Variants in KDM3A observed in about 807,000 individuals in gnomAD.
KDM3A encodes the protein lysine demethylase 3A.
KDM3A carries 60 observed loss-of-function variants against 158.0 expected under a neutral mutation model. That is an observed-to-expected ratio of 0.38 (90% CI 0.31 to 0.47). The LOEUF is 0.47. Among genes scored for constraint, KDM3A ranks in the 20% least tolerant of loss-of-function variants. KDM3A has a pLI of 0.99. For missense variants in KDM3A, 1,319 were observed against 1,574.3 expected (o/e 0.84, Z 2.74); for synonymous variants, 608 against 549.3 (o/e 1.11, Z -1.49).
chr2:86,438,079 T>G (rs867873041), upstream of KDM3A, among the ~76,000 whole-genome samples: 17 of 152,156 alleles, frequency 1.1e-4, no homozygotes, highest in Non-Finnish European at 1.2e-4. Flanking sequence ...TTTCTAAAAT[T>G]TCACAATTAA....
rs917242244 is a variant in KDM3A, at chr2:86,442,211, A to T, written c.164A>T (p.Asp55Val). The change falls in exon 2 of 26, where the codon GAC (aspartate) becomes GTC (valine). Residue 55 changes from aspartate to valine, a missense_variant. This residue lies in a region of KDM3A where 652 missense variants were observed against 627.2 expected (regional missense o/e 1.04). Transcript: ENST00000312912. ...ACCATTCGAGCTGTTTCCCACACCG[A>T]CGTTACCAAGAAGGATCTGAAGGTA... Reference protein sequence around the residue: ...SGTIRAVSHTDVTKKDLKVCV... With the variant: ...SGTIRAVSHTVVTKKDLKVCV... The T allele has an allele frequency of 1.5e-5, 24 of 1,611,092 alleles. No individual in the cohort carries two copies. Among genetic ancestry groups the T allele is most frequent in the Non-Finnish European group, 2.0e-5 (23 of 1,178,456 alleles).
At chr2:86,461,080 A>G (rs1209078857) in intron 8 of KDM3A, among the ~76,000 whole-genome samples, 2 of 112,176 alleles carry the variant, frequency 1.8e-5, no homozygotes, top group East Asian at 2.2e-4. Context: ...AATTGATTTC[A>G]GCGCCAGGCA....
At position 86,482,515 on chromosome 2, in the gene KDM3A, G is replaced by GT; in HGVS notation, c.2744dup (p.Gln916AlafsTer3). ...CCTTGATGACATCTTTGCCTCTTTGGTGCAAAATAAGACGACTTCTGATTT... is the reference window on the plus strand; with the variant it reads ...CCTTGATGACATCTTTGCCTCTTTGGTTGCAAAATAAGACGACTTCTGATTT... On this transcript the variant is annotated frameshift_variant, in exon 18 of 26. Coordinates refer to ENST00000312912, the MANE Select transcript of KDM3A (RefSeq NM_018433.6). LOFTEE classifies it high-confidence loss of function. 3 of 1,614,124 alleles carry GT rather than the reference G, an allele frequency of 1.9e-6. No individual in the cohort carries two copies. The highest frequency in any genetic ancestry group is 2.5e-6 in the Non-Finnish European group (3 of 1,180,030).
rs142904861 is a variant in KDM3A at position 86,477,977 on chromosome 2, G to T, written c.2040G>T (p.Gly680=). 1 of 1,614,070 alleles carries T rather than the reference G, an allele frequency of 6.2e-7. No individual in the cohort carries two copies. Among genetic ancestry groups the T allele is most frequent in the African/African-American group, 1.3e-5 (1 of 74,928 alleles). The change falls in exon 13 of 26, where the codon GGG becomes GGT. Residue 680 remains glycine, a synonymous_variant. Transcript: ENST00000312912. ...FNLHWVCPRC[G]FGVCVDCYRM... ...TGCACTGGGTGTGTCCTCGGTGTGG[G>T]TTTGGAGTATGTGTGGACTGCTACC...
rs1009218588 is a variant in KDM3A at position 86,456,869 on chromosome 2, T to C, written c.746T>C (p.Val249Ala). The C allele has an allele frequency of 6.2e-7, 1 of 1,609,498 alleles. No homozygotes were observed. Among genetic ancestry groups the C allele is most frequent in the Non-Finnish European group, 8.5e-7 (1 of 1,176,090 alleles). Residue 249 changes from valine (V) to alanine (A), a missense_variant, in exon 7 of 26, where the codon GTG (valine) becomes GCG (alanine). Val to Ala is a moderately conservative substitution (Grantham distance 64). Around this residue, in one of 4 missense-constraint regions of KDM3A, gnomAD observed 652 missense variants for 627.2 expected, o/e 1.04. Transcript: ENST00000312912. ...IHVEVVHDNL[V>A]TCGNSARIGA... ...GTTGAAGTTGTACACGATAACCTTG[T>C]GACATGTGGTAAGATATGTTATTAA...
intron 25 of KDM3A, 85 bp downstream of exon 25, chr2:86,491,360 A>G (rs753483156): frequency 2.1e-6 from 3 of 1,413,518 alleles, no homozygotes; most frequent in Non-Finnish European, 3.0e-6. Flanking sequence ...AGAGTCAGTG[A>G]ACTTGGCCAT....
In KDM3A at chr2:86,478,000, A is replaced by C; in HGVS notation, c.2063A>C (p.Tyr688Ser). The C allele has an allele frequency of 6.2e-7, 1 of 1,614,148 alleles. No homozygotes were observed. Among genetic ancestry groups the C allele is most frequent in the Non-Finnish European group, 8.5e-7 (1 of 1,180,018 alleles). Residue 688 changes from tyrosine (Y) to serine (S), a missense_variant, in exon 13 of 26, where the codon TAC becomes TCC. Physicochemically the swap from Tyr to Ser is moderately radical, Grantham distance 144. Around this residue, in one of 4 missense-constraint regions of KDM3A, gnomAD observed 368 missense variants for 415.8 expected, o/e 0.89. Coordinates refer to ENST00000312912, the MANE Select transcript of KDM3A (RefSeq NM_018433.6). ...GGGTTTGGAGTATGTGTGGACTGCT[A>C]CCGGATGAAGAGAAAGAATTGCCAA... ...RCGFGVCVDC[Y>S]RMKRKNCQQG... is the part of the protein sequence containing the mutation.
chr2:86,480,233 C>T lies in KDM3A; in HGVS notation c.2383C>T (p.Pro795Ser), dbSNP rs767521701. 11 of 1,613,572 alleles carry T rather than the reference C, an allele frequency of 6.8e-6. No individual in the cohort carries two copies. The highest frequency in any genetic ancestry group is 9.3e-6 in the Non-Finnish European group (11 of 1,180,002). Residue 795 changes from proline to serine, a missense_variant, in exon 16 of 26, where the codon CCA becomes TCA. Around this residue, in one of 4 missense-constraint regions of KDM3A, gnomAD observed 368 missense variants for 415.8 expected, o/e 0.89. Coordinates refer to ENST00000312912, the MANE Select transcript of KDM3A (RefSeq NM_018433.6). The stretch of plus-strand genomic sequence containing the variant: ...CCAGCAGAATCCCTCAGTGTTGGAG[C>T]CAGCAGCTGTGGGTGGGGAAGCAGC... Reference protein sequence around the residue: ...VLQQNPSVLEPAAVGGEAASK... With the variant: ...VLQQNPSVLESAAVGGEAASK...
intron 21 of KDM3A, chr2:86,487,205 G>A (rs1331643316): frequency 6.6e-6 from 1 of 152,182 alleles, no homozygotes; most frequent in Non-Finnish European, 1.5e-5. Context: ...TTGCTTGCGT[G>A]GTTTAACTAG....
intron 10 of KDM3A, among the ~76,000 whole-genome samples, chr2:86,468,270 A>C (rs1673248546): frequency 6.6e-6 from 1 of 152,218 alleles, no homozygotes. Flanking sequence ...GTTAATTTGC[A>C]TAAAATTAAT....
Position 86,451,040 on chromosome 2 carries a change from G to A in KDM3A, c.343-63G>A, listed in dbSNP as rs139162735. 157 of 1,117,082 alleles carry A rather than the reference G, an allele frequency of 1.4e-4. No individual in the cohort carries two copies. In the East Asian group the frequency reaches 3.8e-3, roughly 27 times the overall value. The allele number at this position is 1,117,082 out of a possible 1,614,324, so 69.2% of individuals were successfully genotyped here. A position where few individuals can be genotyped will look rare whatever the true frequency, so the allele number is the denominator to read the frequency against. Reference sequence around the variant, plus strand: ...TTTCTCTGTGTGTGGAAAATTGCCAGTTCCTATTTTCAGAATTATGCTGAC... The same window carrying A: ...TTTCTCTGTGTGTGGAAAATTGCCAATTCCTATTTTCAGAATTATGCTGAC... On this transcript the variant is annotated intron_variant, in intron 3 of 25. Transcript: ENST00000312912.
chr2:86,487,235 C>T (rs1444572756), intron 21 of KDM3A: 3 of 152,118 alleles, frequency 2.0e-5, no homozygotes, highest in African/African-American at 7.2e-5. Flanking sequence ...GGGTCTTTCC[C>T]CCTAGACACT....
chr2:86,481,875 A>T (rs1014417548), intron 16 of KDM3A, 55 bp from the exon 17 acceptor site: 12 of 1,373,868 alleles, frequency 8.7e-6, no homozygotes, highest in African/African-American at 7.2e-5. Flanking sequence ...GAATACTAAT[A>T]AGGGATTTGC....
intron 12 of KDM3A, among the ~76,000 whole-genome samples, chr2:86,475,605 C>T (rs1218840400): frequency 1.3e-5 from 2 of 152,170 alleles, no homozygotes; most frequent in African/African-American, 4.8e-5. Context: ...CATGACATCT[C>T]AAGCTAGGAT....
chr2:86,438,740 A>G (rs2104607755), upstream of KDM3A, among the ~76,000 whole-genome samples: 1 of 152,160 alleles, frequency 6.6e-6, no homozygotes, highest in East Asian at 1.9e-4. Flanking sequence ...TGCACCCCCT[A>G]ATACCAGTAA....
chr2:86,484,267 TG>T (rs1046475359), intron 19 of KDM3A, 109 bp downstream of exon 19: 1 of 980,596 alleles, frequency 1.0e-6, no homozygotes, highest in African/African-American at 1.7e-5. Flanking sequence ...TCCAGGATTT[TG>T]GAGTTTAAAA....
upstream of KDM3A, among the ~76,000 whole-genome samples, chr2:86,439,847 G>C (rs554093884): frequency 1.8e-3 from 271 of 152,040 alleles, 1 homozygote; most frequent in Middle Eastern, 3.4e-3. Flanking sequence ...TATTAATATT[G>C]CTATACTGCT....
chr2:86,472,069 T>G (rs1224976081), intron 11 of KDM3A, among the ~76,000 whole-genome samples: 1 of 152,080 alleles, frequency 6.6e-6, no homozygotes, highest in African/African-American at 2.4e-5. Flanking sequence ...AAAATATAAC[T>G]AGATTGGATG....
Position 86,470,393 on chromosome 2 carries a change from T to G in KDM3A, c.1709T>G (p.Phe570Cys), listed in dbSNP as rs1673349083. 1 of 1,614,010 alleles carries G rather than the reference T, an allele frequency of 6.2e-7. No homozygotes were observed. ...QQKDSPVFCR[F>C]FHFRRLQFNK... ...AAGGACTCACCTGTGTTTTGCCGCTTCTTTCACTTCAGGAGGTGAGGCATT... is the reference window on the plus strand; with the variant it reads ...AAGGACTCACCTGTGTTTTGCCGCTGCTTTCACTTCAGGAGGTGAGGCATT... The change falls in exon 11 of 26, where the codon TTC becomes TGC. Residue 570 changes from phenylalanine (F) to cysteine (C), a missense_variant. By Grantham distance (205) the Phe-to-Cys change is radical. Around this residue, in one of 4 missense-constraint regions of KDM3A, gnomAD observed 113 missense variants for 190.5 expected, o/e 0.59. Transcript: ENST00000312912.
Sources: allele counts gnomAD v4.1 joint callset (sites outside exome capture counted in the v4.1 genomes callset), GRCh38; gene constraint gnomAD v4.1.1; regional missense constraint gnomAD v4.1.1; transcripts MANE v1.5; gene names NCBI Gene and HGNC (gene_info 2026-07-23, HGNC 2026-07-21).